AHCYL2: variants seen among roughly 807,000 people sequenced by gnomAD.
AHCYL2 encodes S-adenosylhomocysteine hydrolase-like protein 2.
A neutral mutation model predicts 81.4 loss-of-function variants in AHCYL2; 28 were observed. The ratio of observed to expected loss-of-function variants is 0.34; its 90% confidence interval spans 0.25 to 0.47. AHCYL2 has a LOEUF of 0.47. Among genes scored for constraint, AHCYL2 ranks in the 20% least tolerant of loss-of-function variants. AHCYL2 has a pLI of 1.00. For missense variants in AHCYL2, 551 were observed against 785.1 expected (o/e 0.70, Z 3.56); for synonymous variants, 272 against 290.2 (o/e 0.94, Z 0.64).
chr7:129,426,501 A>T lies in AHCYL2; in HGVS notation c.1767A>T (p.Thr589=), dbSNP rs368302729. ...PTFDAHLTEL[T]DEQAKYLGLN... ...TTGATGCCCACTTGACAGAGCTGAC[A>T]GATGAACAGGCCAAGTATCTGGGAC... is the stretch of plus-strand genomic sequence containing the variant. Residue 589 remains threonine (T), a synonymous_variant, in exon 16 of 17, where the codon ACA becomes ACT. Transcript: ENST00000325006. This position sits in a 1 kb window ranked among gnomAD's most constrained non-coding sequence, Gnocchi z 4.3. 2 of 1,614,002 alleles carry T rather than the reference A, an allele frequency of 1.2e-6. No homozygotes were observed. The highest frequency in any genetic ancestry group is 1.7e-6 in the Non-Finnish European group (2 of 1,179,988).
At chr7:129,383,625 C>G (rs2150893939) in intron 2 of AHCYL2, among the ~76,000 whole-genome samples, 1 of 152,320 alleles carries the variant, frequency 6.6e-6, no homozygotes, top group South Asian at 2.1e-4. Context: ...CAATCTCACT[C>G]TTAGGTAAAG....
At chr7:129,335,066 A>T (rs1237706748) in intron 1 of AHCYL2, among the ~76,000 whole-genome samples, 1 of 152,226 alleles carries the variant, frequency 6.6e-6, no homozygotes, top group East Asian at 1.9e-4. Context: ...AAATTGTCTG[A>T]AATTCTAAGG....
intron 1 of AHCYL2, among the ~76,000 whole-genome samples, chr7:129,320,700 A>C (rs969545748): frequency 1.3e-5 from 2 of 152,226 alleles, no homozygotes; most frequent in African/African-American, 4.8e-5. Flanking sequence ...TATATTCACA[A>C]GGTTGTACAA....
intron 1 of AHCYL2, among the ~76,000 whole-genome samples, chr7:129,323,696 C>T (rs115259837): frequency 2.0e-4 from 30 of 152,162 alleles, no homozygotes; most frequent in African/African-American, 6.5e-4. Flanking sequence ...TTCCTTTTGG[C>T]AGTTTTGTCA....
chr7:129,275,199 A>G (rs562540776), intron 1 of AHCYL2, among the ~76,000 whole-genome samples: 6 of 152,196 alleles, frequency 3.9e-5, no homozygotes, highest in Non-Finnish European at 8.8e-5. Flanking sequence ...CCTGGCCAAC[A>G]TATTGAAACC....
chr7:129,258,556 CTT>C (rs56039495), intron 1 of AHCYL2, among the ~76,000 whole-genome samples: 120,706 of 133,062 alleles, frequency 0.91, 55,424 homozygotes, highest in East Asian at 0.99. Flanking sequence ...ATTTATCTTG[CTT>C]TTTTTTTTTT....
chr7:129,406,572 G>A lies in AHCYL2; in HGVS notation c.1295+106G>A. 9.6e-7 allele frequency: 1 copy of A among 1,040,550 alleles called. No homozygotes were observed. The highest frequency in any genetic ancestry group is 1.5e-6 in the Non-Finnish European group (1 of 667,674). The allele number at this position is 1,040,550 out of a possible 1,614,324, so 64.5% of individuals were successfully genotyped here. A position where few individuals can be genotyped will look rare whatever the true frequency, so the allele number is the denominator to read the frequency against. On this transcript the variant is annotated intron_variant, in intron 10 of 16. Transcript: ENST00000325006. This position sits in a 1 kb window ranked among gnomAD's most constrained non-coding sequence, Gnocchi z 4.3. The stretch of plus-strand genomic sequence containing the variant: ...TAGAGGAGCCCAGATCCTCAGAGAT[G>A]CTGCCACTAACTCTAAGCATCTGTC...
In AHCYL2 at chr7:129,248,766, G is replaced by GA. The variant is rs1229973415; in HGVS notation, c.363+23329dup. Among the ~76,000 whole-genome samples, 3 of 151,992 alleles carry GA rather than the reference G, an allele frequency of 2.0e-5. No individual in the cohort carries two copies. In the East Asian group the frequency reaches 5.8e-4, roughly 29 times the overall value. On this transcript the variant is annotated intron_variant, in intron 1 of 16. Transcript: ENST00000325006. ...ATTGAATCTGTAGGTCAATTCGGGA[G>GA]AATTCCCATCTTAATGATACTGAGA...
intron 12 of AHCYL2, among the ~76,000 whole-genome samples, chr7:129,417,351 C>T (rs1457765194): frequency 6.6e-6 from 1 of 152,194 alleles, no homozygotes; most frequent in Non-Finnish European, 1.5e-5. Flanking sequence ...AGAGGGGTAA[C>T]AGGCCAGATC....
chr7:129,340,289 C>T (rs368067482), intron 1 of AHCYL2, among the ~76,000 whole-genome samples: 2 of 147,450 alleles, frequency 1.4e-5, no homozygotes, highest in South Asian at 2.2e-4. Flanking sequence ...TTTTTCAGGC[C>T]GGGCGCGGTG....
rs71162600 is a variant in AHCYL2, at chr7:129,399,141, CAAAAAAAA to C, written c.824-1133_824-1126del. 2.2e-4 allele frequency among the ~76,000 whole-genome samples: 10 copies of C among 44,954 alleles called. No individual in the cohort carries two copies. The East Asian group carries it at 4.6e-3, about 21-fold the overall frequency. The allele number at this position is 44,954 out of a possible 152,430, so 29.5% of individuals were successfully genotyped here. A position where few individuals can be genotyped will look rare whatever the true frequency, so the allele number is the denominator to read the frequency against. ...TGGGTGACAGAGTGAGACTCCATCT[CAAAAAAAA>C]AAAAAAAAAAAAAAAGAGGCCAGGC... is the stretch of plus-strand genomic sequence containing the variant. On this transcript the variant is annotated intron_variant, in intron 5 of 16. Transcript: ENST00000325006.
At chr7:129,266,705 G>C (rs1256339704) in intron 1 of AHCYL2, among the ~76,000 whole-genome samples, 1 of 152,152 alleles carries the variant, frequency 6.6e-6, no homozygotes, top group African/African-American at 2.4e-5. Context: ...TGAGGGCGGG[G>C]AATAGGAGGG....
chr7:129,413,343 G>A (rs911672042), intron 11 of AHCYL2, among the ~76,000 whole-genome samples: 3 of 151,846 alleles, frequency 2.0e-5, no homozygotes, highest in South Asian at 2.1e-4. Context: ...GGGTTTCACC[G>A]TGTTAGCCAG....
intron 1 of AHCYL2, among the ~76,000 whole-genome samples, chr7:129,317,659 G>A (rs935543245): frequency 6.6e-6 from 1 of 152,330 alleles, no homozygotes; most frequent in Middle Eastern, 3.4e-3. Flanking sequence ...CTTAGGCAAA[G>A]AGTGCTTTCA....
chr7:129,322,258 G>C (rs1312058504), intron 1 of AHCYL2, among the ~76,000 whole-genome samples: 1 of 151,862 alleles, frequency 6.6e-6, no homozygotes, highest in Non-Finnish European at 1.5e-5. Flanking sequence ...TCCTGTCTCA[G>C]CCTCCTGAGT....
chr7:129,394,803 G>A (rs1795647122), intron 4 of AHCYL2, among the ~76,000 whole-genome samples: 1 of 152,076 alleles, frequency 6.6e-6, no homozygotes, highest in Non-Finnish European at 1.5e-5. Context: ...ATTCATAGAT[G>A]TTGTCTATCT....
intron 4 of AHCYL2, among the ~76,000 whole-genome samples, chr7:129,395,225 A>G (rs970441408): frequency 6.6e-6 from 1 of 152,172 alleles, no homozygotes; most frequent in Non-Finnish European, 1.5e-5. Flanking sequence ...ACTTCTGCAC[A>G]TGTGTGCCAC....
chr7:129,355,341 T>C (rs760555852), intron 1 of AHCYL2, among the ~76,000 whole-genome samples: 3 of 152,162 alleles, frequency 2.0e-5, no homozygotes, highest in Non-Finnish European at 4.4e-5. Flanking sequence ...GTGTGTTAGA[T>C]CAGCTTAGTT....
At chr7:129,296,035 C>A (rs554246600) in intron 1 of AHCYL2, among the ~76,000 whole-genome samples, 1 of 152,316 alleles carries the variant, frequency 6.6e-6, no homozygotes, top group Admixed American at 6.5e-5. Context: ...AATCTTAGTA[C>A]TGTAGACAGC....
Sources: allele counts gnomAD v4.1 joint callset (sites outside exome capture counted in the v4.1 genomes callset), GRCh38; gene constraint gnomAD v4.1.1; non-coding constraint Gnocchi (gnomAD v3.1); transcripts MANE v1.5; gene names NCBI Gene and HGNC (gene_info 2026-07-23, HGNC 2026-07-21).